Variants in LRRIQ1 observed in about 807,000 individuals in gnomAD.
LRRIQ1 encodes the protein leucine-rich repeat- and IQ domain-containing protein 1.
LRRIQ1 carries 210 observed loss-of-function variants against 211.9 expected under a neutral mutation model. The observed-to-expected ratio is 0.99, with a 90% CI of 0.89 to 1.11. LRRIQ1 has a LOEUF of 1.11. LRRIQ1 is among the 50% of genes most tolerant of loss of function. The pLI is 0.00. For synonymous variants in LRRIQ1, 699 were observed against 650.1 expected (o/e 1.08, Z -1.14); for missense variants, 2,136 against 1,939.5 (o/e 1.10, Z -1.90).
At chr12:85,255,953 A>C (rs901916776) in intron 1 of LRRIQ1, among the ~76,000 whole-genome samples, 2 of 151,776 alleles carry the variant, frequency 1.3e-5, no homozygotes, top group Admixed American at 1.3e-4. Context: ...TTTAAAATCT[A>C]CTTTTTAGAA....
chr12:85,139,307 A>T (rs888513077), intron 19 of LRRIQ1, among the ~76,000 whole-genome samples: 3 of 151,390 alleles, frequency 2.0e-5, no homozygotes, highest in Non-Finnish European at 3.0e-5. Context: ...TCATTCAAAG[A>T]TATGTGTAAG....
intron 24 of LRRIQ1, among the ~76,000 whole-genome samples, chr12:85,172,737 A>T (rs1198542361): frequency 6.6e-6 from 1 of 152,176 alleles, no homozygotes; most frequent in African/African-American, 2.4e-5. Flanking sequence ...ATGGGAAAAT[A>T]TGAGATCTGT....
chr12:85,201,372 A>C (rs1221991196), intron 24 of LRRIQ1, among the ~76,000 whole-genome samples: 1 of 151,402 alleles, frequency 6.6e-6, no homozygotes, highest in Non-Finnish European at 1.5e-5. Context: ...AAATGATACC[A>C]GCTCTTCTTT....
At chr12:85,200,854 C>G (rs1223239152) in intron 24 of LRRIQ1, among the ~76,000 whole-genome samples, 1 of 151,882 alleles carries the variant, frequency 6.6e-6, no homozygotes, top group Non-Finnish European at 1.5e-5. Context: ...GGGTCTCACT[C>G]TGTCACCCAG....
chr12:85,146,597 G>C (rs763034361), intron 19 of LRRIQ1, among the ~76,000 whole-genome samples: 2 of 151,662 alleles, frequency 1.3e-5, no homozygotes, highest in Admixed American at 6.6e-5. Context: ...TGCTTCCCAG[G>C]ATTTAAGGTA....
chr12:85,200,494 T>C (rs952667884), intron 24 of LRRIQ1, among the ~76,000 whole-genome samples: 1 of 152,120 alleles, frequency 6.6e-6, no homozygotes, highest in Non-Finnish European at 1.5e-5. Flanking sequence ...TCCAGTACTA[T>C]GTTAAATAGG....
At chr12:85,262,976 A>G in exon 2 of LRRIQ1, 1 of 987,758 alleles carries the variant, frequency 1.0e-6, no homozygotes, top group Non-Finnish European at 1.2e-6. Context: ...CTTCTAAAAA[A>G]GAACGTATAT....
chr12:85,126,032 A>G (rs778659660), intron 17 of LRRIQ1, among the ~76,000 whole-genome samples: 50 of 152,240 alleles, frequency 3.3e-4, no homozygotes, highest in Non-Finnish European at 6.3e-4. Context: ...TTCTAAAGAC[A>G]CTTTTGACAT....
At chr12:85,142,261 G>A (rs549518913) in intron 19 of LRRIQ1, among the ~76,000 whole-genome samples, 1 of 151,328 alleles carries the variant, frequency 6.6e-6, no homozygotes, top group East Asian at 2.0e-4. Context: ...TTTCAAACTG[G>A]CTATGATTTT....
At chr12:85,204,121 A>T (rs1592966789) in intron 24 of LRRIQ1, among the ~76,000 whole-genome samples, 1 of 152,264 alleles carries the variant, frequency 6.6e-6, no homozygotes, top group African/African-American at 2.4e-5. Flanking sequence ...AAAGGGGCCA[A>T]TGTAGAGCTC....
intron 24 of LRRIQ1, among the ~76,000 whole-genome samples, chr12:85,195,516 C>A (rs1892854307): frequency 6.6e-6 from 1 of 151,998 alleles, no homozygotes; most frequent in South Asian, 2.1e-4. Flanking sequence ...AAGGCTGGTT[C>A]AATATACCCA....
At chr12:85,106,705 C>A in intron 15 of LRRIQ1, 90 bp downstream of exon 15, 1 of 822,458 alleles carries the variant, frequency 1.2e-6, no homozygotes, top group South Asian at 1.7e-5. Flanking sequence ...TAACAATTAC[C>A]TAGGATAAGT....
chr12:85,169,208 A>C (rs1891293118), intron 24 of LRRIQ1, among the ~76,000 whole-genome samples: 1 of 152,220 alleles, frequency 6.6e-6, no homozygotes, highest in Non-Finnish European at 1.5e-5. Context: ...TGCATTTGCA[A>C]GGAATGAAGG....
chr12:85,071,416 A>C (rs1592737783), intron 10 of LRRIQ1, among the ~76,000 whole-genome samples: 1 of 152,088 alleles, frequency 6.6e-6, no homozygotes, highest in African/African-American at 2.4e-5. Context: ...AAATGAGCAG[A>C]GTTTTCCTAT....
intron 11 of LRRIQ1, 26 bp from the exon 12 acceptor site, chr12:85,098,329 G>A: frequency 1.4e-6 from 2 of 1,480,190 alleles, no homozygotes; most frequent in Non-Finnish European, 1.9e-6. Context: ...TATGACACAG[G>A]TGATCTTATA....
Position 85,153,107 on chromosome 12 carries a change from A to G in LRRIQ1, c.4503A>G (p.Glu1501=), listed in dbSNP as rs2136673347. ...AAGCATGGTTATGTAATGACAAAGA[A>G]AATTTGTCTTCTTCAGAACACACAC... is the stretch of plus-strand genomic sequence containing the variant. The part of the protein sequence containing the change: ...PAQAWLCNDK[E]NLSSSEHTQF... The change falls in exon 21 of 27, where the codon GAA becomes GAG. Residue 1501 remains glutamate (E), a synonymous_variant. Transcript: ENST00000393217. 1.3e-6 allele frequency: 2 copies of G among 1,589,054 alleles called. No individual in the cohort carries two copies. The highest frequency in any genetic ancestry group is 4.6e-5 in the East Asian group (2 of 43,602).
intron 26 of LRRIQ1, among the ~76,000 whole-genome samples, chr12:85,238,997 T>A (rs1895332355): frequency 2.6e-5 from 4 of 152,120 alleles, no homozygotes; most frequent in Admixed American, 2.6e-4. Context: ...ATTTAAAAAT[T>A]TCATTCATGA....
chr12:85,097,441 A>T (rs1341596608), intron 11 of LRRIQ1, among the ~76,000 whole-genome samples: 1 of 139,912 alleles, frequency 7.1e-6, no homozygotes, highest in Non-Finnish European at 1.5e-5. Context: ...CCAGTGTGTG[A>T]TGTTCCCCCC....
intron 17 of LRRIQ1, among the ~76,000 whole-genome samples, chr12:85,127,066 A>T (rs962214623): frequency 6.6e-6 from 1 of 152,172 alleles, no homozygotes; most frequent in Non-Finnish European, 1.5e-5. Flanking sequence ...CTTTGACTAC[A>T]CTCTTTACCT....
Sources: allele counts gnomAD v4.1 joint callset (sites outside exome capture counted in the v4.1 genomes callset), GRCh38; gene constraint gnomAD v4.1.1; transcripts MANE v1.5; gene names NCBI Gene and HGNC (gene_info 2026-07-23, HGNC 2026-07-21).